MRPS9: variants seen among roughly 807,000 people sequenced by gnomAD.
MRPS9 encodes the protein small ribosomal subunit protein uS9m.
In MRPS9, 45 loss-of-function variants were observed where a neutral mutation model predicts 59.9. That is an observed-to-expected ratio of 0.75 (90% CI 0.59 to 0.96). The LOEUF (loss-of-function observed/expected upper bound fraction) is 0.96. Ranked by LOEUF, MRPS9 falls within the 40% of genes least tolerant of loss-of-function variation. The probability of loss-of-function intolerance (pLI) is 0.00; values close to 1 mark genes in which losing one functional copy is unlikely to be tolerated. For synonymous variants in MRPS9, 171 were observed against 166.8 expected, an observed-to-expected ratio of 1.03 and a Z score of -0.19; for missense variants, 473 against 481.1, an observed-to-expected ratio of 0.98 and a Z score of 0.16.
chr2:105,081,383 G>T (rs1376474943), intron 5 of MRPS9, among the ~76,000 whole-genome samples: 2 of 152,188 alleles, frequency 1.3e-5, no homozygotes, highest in East Asian at 1.9e-4. Context: ...ACTTAATCAC[G>T]GTTGTAGCAT....
intron 2 of MRPS9, among the ~76,000 whole-genome samples, chr2:105,054,038 T>G (rs1411204609): frequency 1.3e-5 from 2 of 152,180 alleles, no homozygotes; most frequent in African/African-American, 2.4e-5. Flanking sequence ...AAAAATTCAT[T>G]GTAGTTGAAA....
chr2:105,064,438 T>G (rs1002900365), intron 2 of MRPS9, among the ~76,000 whole-genome samples: 9 of 152,010 alleles, frequency 5.9e-5, no homozygotes, highest in Non-Finnish European at 1.3e-4. Flanking sequence ...GAGTGAGAAT[T>G]GAGTTGTTTA....
At chr2:105,077,057 G>C (rs911146876) in intron 4 of MRPS9, among the ~76,000 whole-genome samples, 3 of 152,108 alleles carry the variant, frequency 2.0e-5, no homozygotes, top group Admixed American at 1.3e-4. Flanking sequence ...GACCAGCCTG[G>C]CCAACATGGG....
At chr2:105,089,157 C>T in intron 6 of MRPS9, 88 bp downstream of exon 6, 2 of 932,032 alleles carry the variant, frequency 2.1e-6, no homozygotes, top group Non-Finnish European at 3.3e-6. Context: ...TACCTGAAGC[C>T]TAAAATTTGT....
At chr2:105,093,667 T>G (rs759549676) in intron 9 of MRPS9, 29 bp downstream of exon 9, 25 of 1,222,304 alleles carry the variant, frequency 2.0e-5, no homozygotes, top group Non-Finnish European at 2.9e-5. Context: ...TTTTTTGTTT[T>G]TAAAGGAAAC....
intron 7 of MRPS9, 43 bp downstream of exon 7, chr2:105,090,038 A>C: frequency 1.7e-6 from 2 of 1,151,224 alleles, no homozygotes; most frequent in Non-Finnish European, 2.6e-6. Context: ...CTATGCAATA[A>C]GAATACAGAC....
At chr2:105,087,784 C>CTG (rs1680477107) in intron 5 of MRPS9, among the ~76,000 whole-genome samples, 4 of 138,496 alleles carry the variant, frequency 2.9e-5, no homozygotes, top group African/African-American at 1.1e-4. Context: ...TCCCTCCCTC[C>CTG]CTCCCTCCTG....
At chr2:105,076,201 T>A (rs1461803327) in intron 4 of MRPS9, among the ~76,000 whole-genome samples, 1 of 152,210 alleles carries the variant, frequency 6.6e-6, no homozygotes, top group Non-Finnish European at 1.5e-5. Context: ...CTGAAAATTT[T>A]AAAAATGATA....
chr2:105,097,207 G>A lies in MRPS9; in HGVS notation c.982G>A (p.Val328Met), dbSNP rs767145979. 5.7e-5 allele frequency: 92 copies of A among 1,605,802 alleles called. No individual in the cohort carries two copies. The highest frequency in any genetic ancestry group is 7.5e-5 in the Non-Finnish European group (88 of 1,176,436). Residue 328 changes from valine (V) to methionine (M), a missense_variant, in exon 10 of 11, where the codon GTG becomes ATG. Val to Met is a conservative substitution (Grantham distance 21, BLOSUM62 1). Coordinates refer to ENST00000258455, the MANE Select transcript of MRPS9 (RefSeq NM_182640.3). ...TGTTGACCGGCTGGGAAAGCACGAC[G>A]TGACCTGCACAGTCTCAGGGGGCGG... ...HFVDRLGKHD[V>M]TCTVSGGGRS...
chr2:105,096,874 G>T (rs1267255951), intron 9 of MRPS9, among the ~76,000 whole-genome samples: 1 of 152,108 alleles, frequency 6.6e-6, no homozygotes, highest in African/African-American at 2.4e-5. Context: ...TTATTTTCAA[G>T]CTTTGAAAAG....
intron 4 of MRPS9, among the ~76,000 whole-genome samples, chr2:105,079,012 G>T (rs1680270331): frequency 6.6e-6 from 1 of 152,102 alleles, no homozygotes. Flanking sequence ...CAGATGTGTA[G>T]TGTATCTGTG....
chr2:105,073,681 T>A (rs1224765161), intron 4 of MRPS9, among the ~76,000 whole-genome samples: 3 of 152,154 alleles, frequency 2.0e-5, no homozygotes, highest in Non-Finnish European at 4.4e-5. Flanking sequence ...CAAAGATGAC[T>A]ACTGGGTCAA....
chr2:105,092,297 C>A, intron 7 of MRPS9, 104 bp from the exon 8 acceptor site: 1 of 1,015,354 alleles, frequency 9.8e-7, no homozygotes, highest in Non-Finnish European at 1.4e-6. Context: ...TGTCAAAATT[C>A]ATCAGGAAAA....
At chr2:105,094,134 T>C (rs1291318471) in intron 9 of MRPS9, among the ~76,000 whole-genome samples, 1 of 152,184 alleles carries the variant, frequency 6.6e-6, no homozygotes, top group Non-Finnish European at 1.5e-5. Context: ...CTTTATCATT[T>C]TGGATTTTTT....
intron 2 of MRPS9, 151 bp from the exon 3 acceptor site, chr2:105,071,162 G>T: frequency 1.7e-6 from 1 of 603,608 alleles, no homozygotes; most frequent in South Asian, 2.8e-5. Context: ...ATTGTGTGTA[G>T]TAATTTTATC....
chr2:105,038,512 C>G, intron 1 of MRPS9: 1 of 423,428 alleles, frequency 2.4e-6, no homozygotes, highest in Non-Finnish European at 4.4e-6. Context: ...AAGTAAGGGT[C>G]GGTGCCTAGG....
At chr2:105,055,529 C>A (rs6717222) in intron 2 of MRPS9, among the ~76,000 whole-genome samples, 2 of 40,906 alleles carry the variant, frequency 4.9e-5, no homozygotes, top group African/African-American at 2.7e-4. Flanking sequence ...CTTTTGGTAT[C>A]GCATTTTATT....
Position 105,046,163 on chromosome 2 carries a change from G to A in MRPS9, c.136-3008G>A, listed in dbSNP as rs575803539. On this transcript the variant is annotated intron_variant, in intron 1 of 10. Transcript: ENST00000258455. ...TTACAGGCGTGAGCCACCGCACCCA[G>A]ACATCTCTAATTTCTTTCTGACAGT... Among the ~76,000 whole-genome samples the A allele has an allele frequency of 3.9e-5, 6 of 152,106 alleles. No individual in the cohort carries two copies. The East Asian group carries it at 1.2e-3, about 29-fold the overall frequency.
At chr2:105,070,676 G>A (rs572467712) in intron 2 of MRPS9, among the ~76,000 whole-genome samples, 15 of 152,304 alleles carry the variant, frequency 9.8e-5, no homozygotes, top group Admixed American at 2.0e-4. Context: ...TTGGAAAGGT[G>A]TGGGGGTGAG....
Sources: gnomAD v4.1 joint callset for allele counts (sites outside exome capture counted in the v4.1 genomes callset) on GRCh38, gnomAD v4.1.1 for gene constraint, MANE v1.5 for transcripts, NCBI Gene and HGNC (gene_info 2026-07-23, HGNC 2026-07-21) for gene names.